LRRTM3: variants seen among roughly 807,000 people sequenced by gnomAD.
The protein encoded by LRRTM3 is leucine-rich repeat transmembrane neuronal protein 3.
LRRTM3 carries 24 observed loss-of-function variants against 44.7 expected under a neutral mutation model. That is an observed-to-expected ratio of 0.54 (90% CI 0.39 to 0.76). The LOEUF is 0.76. Ranked by LOEUF, LRRTM3 falls within the 30% of genes least tolerant of loss-of-function variation. The pLI is 0.00. For synonymous variants in LRRTM3, 277 were observed against 278.7 expected, an observed-to-expected ratio of 0.99 and a Z score of 0.06; for missense variants, 587 against 702.2, an observed-to-expected ratio of 0.84 and a Z score of 1.85.
At chr10:67,016,188 G>A (rs984637617) in intron 2 of LRRTM3, among the ~76,000 whole-genome samples, 1 of 152,076 alleles carries the variant, frequency 6.6e-6, no homozygotes, top group Non-Finnish European at 1.5e-5. Flanking sequence ...TTCCCTTTCT[G>A]ATCGCTACTC....
intron 1 of LRRTM3, 95 bp from the exon 2 acceptor site, chr10:66,926,826 A>G (rs1847105757): frequency 1.7e-6 from 2 of 1,162,928 alleles, no homozygotes; most frequent in Non-Finnish European, 2.4e-6. Flanking sequence ...TTAGATTTAA[A>G]TTTTTAAAAA....
chr10:67,082,176 T>A (rs1448907560), intron 2 of LRRTM3, among the ~76,000 whole-genome samples: 1 of 152,194 alleles, frequency 6.6e-6, no homozygotes, highest in Non-Finnish European at 1.5e-5. Flanking sequence ...ACATTTTAAT[T>A]AAAAATTGGA....
intron 2 of LRRTM3, among the ~76,000 whole-genome samples, chr10:67,029,341 AG>A (rs1373232405): frequency 6.6e-6 from 1 of 152,190 alleles, no homozygotes; most frequent in Non-Finnish European, 1.5e-5. Flanking sequence ...GTAAGCAAAT[AG>A]GGTCATGGAT....
intron 2 of LRRTM3, among the ~76,000 whole-genome samples, chr10:67,033,118 A>G (rs933923069): frequency 2.6e-5 from 4 of 152,264 alleles, no homozygotes; most frequent in African/African-American, 9.6e-5. Flanking sequence ...TTTAACAAAA[A>G]TAAATTGAAG....
intron 2 of LRRTM3, among the ~76,000 whole-genome samples, chr10:66,929,784 T>A (rs1329628643): frequency 6.6e-6 from 1 of 152,230 alleles, no homozygotes; most frequent in Non-Finnish European, 1.5e-5. Flanking sequence ...TTGGTGAAAG[T>A]TTATTGACTG....
chr10:66,998,586 G>A (rs1851497322), intron 2 of LRRTM3, among the ~76,000 whole-genome samples: 1 of 152,120 alleles, frequency 6.6e-6, no homozygotes, highest in African/African-American at 2.4e-5. Context: ...TGAGACACTT[G>A]TAGAGAGGCA....
chr10:66,973,522 C>G (rs1476253733), intron 2 of LRRTM3, among the ~76,000 whole-genome samples: 1 of 152,136 alleles, frequency 6.6e-6, no homozygotes, highest in Non-Finnish European at 1.5e-5. Context: ...GTATGCCCTT[C>G]TAAGTTTGTT....
chr10:67,053,161 C>A (rs563256051), intron 2 of LRRTM3, among the ~76,000 whole-genome samples: 1 of 152,274 alleles, frequency 6.6e-6, no homozygotes, highest in South Asian at 2.1e-4. Flanking sequence ...GGGAACCAAT[C>A]ATCTTTTAGA....
At chr10:66,943,865 A>G (rs1848148908) in intron 2 of LRRTM3, among the ~76,000 whole-genome samples, 1 of 152,190 alleles carries the variant, frequency 6.6e-6, no homozygotes, top group Admixed American at 6.5e-5. Flanking sequence ...ACTATGTCAA[A>G]GAAACAATGT....
intron 2 of LRRTM3, among the ~76,000 whole-genome samples, chr10:67,052,978 C>T (rs1855204896): frequency 6.6e-6 from 1 of 152,186 alleles, no homozygotes; most frequent in Non-Finnish European, 1.5e-5. Flanking sequence ...ATTGTACTTA[C>T]ACTGACTATG....
intron 2 of LRRTM3, among the ~76,000 whole-genome samples, chr10:67,080,544 C>A (rs980995783): frequency 6.6e-6 from 1 of 152,036 alleles, no homozygotes; most frequent in African/African-American, 2.4e-5. Flanking sequence ...TTTATCATTC[C>A]TATGCTTAAG....
intron 2 of LRRTM3, among the ~76,000 whole-genome samples, chr10:67,042,552 A>T (rs570806010): frequency 6.6e-6 from 1 of 152,156 alleles, no homozygotes; most frequent in African/African-American, 2.4e-5. Flanking sequence ...AGTGTGGGCA[A>T]GAACATATAA....
At chr10:67,027,984 C>A (rs1853494937) in intron 2 of LRRTM3, among the ~76,000 whole-genome samples, 1 of 152,016 alleles carries the variant, frequency 6.6e-6, no homozygotes, top group African/African-American at 2.4e-5. Context: ...TCATAACAAC[C>A]CTGTGAAGCA....
At chr10:67,027,658 A>C (rs1237192692) in intron 2 of LRRTM3, among the ~76,000 whole-genome samples, 1 of 151,990 alleles carries the variant, frequency 6.6e-6, no homozygotes, top group Non-Finnish European at 1.5e-5. Context: ...GATGGTCTCA[A>C]TCTCTTGACC....
chr10:66,954,411 A>G (rs1848687534), intron 2 of LRRTM3, among the ~76,000 whole-genome samples: 1 of 152,146 alleles, frequency 6.6e-6, no homozygotes, highest in South Asian at 2.1e-4. Flanking sequence ...AAACGCTTAA[A>G]ATAGCGAAAA....
chr10:66,961,752 G>A (rs1414070686), intron 2 of LRRTM3, among the ~76,000 whole-genome samples: 1 of 151,916 alleles, frequency 6.6e-6, no homozygotes, highest in African/African-American at 2.4e-5. Context: ...TACTCCTTGA[G>A]GACATTTCAA....
chr10:67,036,671 T>C (rs1410995021), intron 2 of LRRTM3, among the ~76,000 whole-genome samples: 1 of 152,104 alleles, frequency 6.6e-6, no homozygotes, highest in Non-Finnish European at 1.5e-5. Context: ...GGGTTTTATT[T>C]TTAAGAGTAT....
chr10:66,929,026 G>A (rs1847227419), intron 2 of LRRTM3, among the ~76,000 whole-genome samples: 1 of 152,198 alleles, frequency 6.6e-6, no homozygotes. Flanking sequence ...GCAGCACCCT[G>A]AGCAGTTTCC....
At chr10:66,971,358 G>A (rs749494877) in intron 2 of LRRTM3, among the ~76,000 whole-genome samples, 2 of 152,054 alleles carry the variant, frequency 1.3e-5, no homozygotes, top group African/African-American at 4.8e-5. Context: ...CCCGGGAGGC[G>A]GAGGTTGCAG....
Sources: gnomAD v4.1 joint callset for allele counts (sites outside exome capture counted in the v4.1 genomes callset) on GRCh38, gnomAD v4.1.1 for gene constraint, MANE v1.5 for transcripts, NCBI Gene and HGNC (gene_info 2026-07-23, HGNC 2026-07-21) for gene names.